The following DSCAML1 variants were observed in gnomAD, a reference collection of about 807,000 sequenced individuals.
The protein encoded by DSCAML1 is DS cell adhesion molecule like 1, also known as cell adhesion molecule DSCAML1.
Under a neutral mutation model 200.5 loss-of-function variants are expected in DSCAML1, and 38 were observed. The observed-to-expected ratio is 0.19, with a 90% CI of 0.15 to 0.25. DSCAML1 has a LOEUF of 0.25. Among genes scored for constraint, DSCAML1 ranks in the 10% least tolerant of loss-of-function variants. The pLI is 1.00. For synonymous variants in DSCAML1, 1,215 were observed against 1,165.0 expected, an observed-to-expected ratio of 1.04 and a Z score of -0.87; for missense variants, 2,223 against 2,858.8, an observed-to-expected ratio of 0.78 and a Z score of 5.07.
In DSCAML1 at chr11:117,484,584, GA is replaced by G. The variant is rs558642745; in HGVS notation, c.2360-2423del. ...CCTGCAGTCAGAGACATCCGAGTAT[GA>G]ATTATTGACTAAGGTTTTACACTCT... is the stretch of plus-strand genomic sequence containing the variant. On this transcript the variant is annotated intron_variant, in intron 11 of 32. Transcript: ENST00000651296. Among the ~76,000 whole-genome samples, 420 of 152,364 alleles carry G rather than the reference GA, an allele frequency of 2.8e-3. 7 individuals carry two copies. Among genetic ancestry groups the G allele is most frequent in the South Asian group, 0.011 (55 of 4,824 alleles).
At chr11:117,508,371 T>C (rs10750107) in intron 8 of DSCAML1, among the ~76,000 whole-genome samples, 65,357 of 151,736 alleles carry the variant, frequency 0.43, 14,194 homozygotes, top group South Asian at 0.55. Context: ...TATAAGTCCT[T>C]ATATAACTAG....
chr11:117,691,522 C>A (rs1053046538), intron 3 of DSCAML1, among the ~76,000 whole-genome samples: 1 of 152,198 alleles, frequency 6.6e-6, no homozygotes, highest in Non-Finnish European at 1.5e-5. Flanking sequence ...AATTTCTCTT[C>A]CCCATTATGG....
chr11:117,780,974 G>A lies in DSCAML1; in HGVS notation c.47-164C>T, dbSNP rs1427332537. Among the ~76,000 whole-genome samples, 1 of 152,164 alleles carries A rather than the reference G, an allele frequency of 6.6e-6. No homozygotes were observed. Among genetic ancestry groups the A allele is most frequent in the African/African-American group, 2.4e-5 (1 of 41,430 alleles). ...TGACTATACACCAGGCACTGGCAAA[G>A]GTGAATCAGAGACAGTTCCTGATCT... On this transcript the variant is annotated intron_variant, in intron 1 of 32. Transcript: ENST00000651296. The surrounding 1 kb of genome is among the most constrained non-coding windows in gnomAD (Gnocchi z 4.8).
chr11:117,691,517 C>A (rs934547690), intron 3 of DSCAML1, among the ~76,000 whole-genome samples: 2 of 152,176 alleles, frequency 1.3e-5, no homozygotes, highest in South Asian at 2.1e-4. Flanking sequence ...TTTATAATTT[C>A]TCTTCCCCAT....
Position 117,780,734 on chromosome 11 carries a change from C to G in DSCAML1, c.123G>C (p.Val41=), listed in dbSNP as rs772206663. ...CGGCCGGGCAGGGCACCACCACCCCCACGGAGCTGGAAAAGGTCACCTGCT... is the reference window on the plus strand; with the variant it reads ...CGGCCGGGCAGGGCACCACCACCCCGACGGAGCTGGAAAAGGTCACCTGCT... ...SLQQVTFSSS[V]GVVVPCPAAG... Residue 41 remains valine, a synonymous_variant, in exon 2 of 33, where the codon GTG becomes GTC. Coordinates refer to ENST00000651296, the MANE Select transcript of DSCAML1 (RefSeq NM_020693.4). The surrounding 1 kb of genome is among the most constrained non-coding windows in gnomAD (Gnocchi z 4.8). 19 of 1,561,126 alleles carry G rather than the reference C, an allele frequency of 1.2e-5. No homozygotes were observed. In the Admixed American group the frequency reaches 3.7e-4, roughly 31 times the overall value.
chr11:117,611,559 GAACAAAAGT>G (rs1348406885), intron 3 of DSCAML1: 2 of 152,176 alleles, frequency 1.3e-5, no homozygotes, highest in African/African-American at 4.8e-5. Flanking sequence ...TTGAATGACT[GAACAAAAGT>G]AACACAAGCT....
At chr11:117,470,436 G>A (rs967737449) in intron 15 of DSCAML1, among the ~76,000 whole-genome samples, 10 of 152,196 alleles carry the variant, frequency 6.6e-5, no homozygotes, top group East Asian at 5.8e-4. Context: ...TTAGCCGGGC[G>A]AGGTGGCGGG....
At position 117,437,871 on chromosome 11, in the gene DSCAML1, C is replaced by G. The variant is rs780354511; in HGVS notation, c.4432+24G>C. ...CCTCCCTGGGCCCATCGCTCCTTCC[C>G]TGCCCCAGTGGCCTGGGCCTCACCC... On this transcript the variant is annotated intron_variant, in intron 25 of 32. Coordinates refer to ENST00000651296, the MANE Select transcript of DSCAML1 (RefSeq NM_020693.4). This position sits in a 1 kb window ranked among gnomAD's most constrained non-coding sequence, Gnocchi z 5.3. 1.5e-5 allele frequency: 24 copies of G among 1,587,232 alleles called. No homozygotes were observed. The East Asian group carries it at 5.4e-4, about 36-fold the overall frequency.
At chr11:117,591,555 G>A (rs2051260082) in intron 3 of DSCAML1, among the ~76,000 whole-genome samples, 1 of 152,198 alleles carries the variant, frequency 6.6e-6, no homozygotes, top group Non-Finnish European at 1.5e-5. Flanking sequence ...TCTGTCTGGG[G>A]ACGTGGAGAA....
chr11:117,503,670 C>T lies in DSCAML1; in HGVS notation c.2359+175G>A, dbSNP rs191095902. On this transcript the variant is annotated intron_variant, in intron 11 of 32. Coordinates refer to ENST00000651296, the MANE Select transcript of DSCAML1 (RefSeq NM_020693.4). This position sits in a 1 kb window ranked among gnomAD's most constrained non-coding sequence, Gnocchi z 5.2. ...AGGGTGAGGCCGCTGTTTTAGATGA[C>T]AGTGCTTTTGAATGCCCCATCCAAG... Among the ~76,000 whole-genome samples, 61 of 152,220 alleles carry T rather than the reference C, an allele frequency of 4.0e-4. 1 individual carries two copies. In the East Asian group the frequency reaches 0.01, roughly 25 times the overall value.
At chr11:117,666,043 A>G (rs11216492) in intron 3 of DSCAML1, among the ~76,000 whole-genome samples, 42,878 of 152,026 alleles carry the variant, frequency 0.28, 6,216 homozygotes, top group South Asian at 0.38. Context: ...GTTCTCCTCC[A>G]TCACTGCGGT....
chr11:117,756,266 G>A (rs1324999675), intron 3 of DSCAML1, among the ~76,000 whole-genome samples: 1 of 152,220 alleles, frequency 6.6e-6, no homozygotes, highest in African/African-American at 2.4e-5. Flanking sequence ...GCCTTTCTGT[G>A]TTCCACATTA....
intron 3 of DSCAML1, among the ~76,000 whole-genome samples, chr11:117,577,362 T>C (rs757906323): frequency 6.6e-6 from 1 of 152,160 alleles, no homozygotes; most frequent in African/African-American, 2.4e-5. Flanking sequence ...TTAGGAACTA[T>C]GTAGCCAAGT....
intron 3 of DSCAML1, among the ~76,000 whole-genome samples, chr11:117,637,088 C>G (rs949129959): frequency 6.6e-6 from 1 of 152,058 alleles, no homozygotes; most frequent in Non-Finnish European, 1.5e-5. Flanking sequence ...CTTTCCAGCC[C>G]TACATCCCTC....
chr11:117,762,709 A>G (rs1368264776), intron 3 of DSCAML1, among the ~76,000 whole-genome samples: 1 of 152,054 alleles, frequency 6.6e-6, no homozygotes, highest in Non-Finnish European at 1.5e-5. Flanking sequence ...CTAAAATTAC[A>G]AAAATTAGTC....
intron 21 of DSCAML1, 89 bp from the exon 22 acceptor site, chr11:117,440,025 T>G: frequency 8.7e-7 from 1 of 1,150,590 alleles, no homozygotes; most frequent in Non-Finnish European, 1.3e-6. Flanking sequence ...GATTTACAGT[T>G]CAAATCCTCC....
chr11:117,555,254 C>T (rs2050540343), intron 3 of DSCAML1, among the ~76,000 whole-genome samples: 1 of 152,250 alleles, frequency 6.6e-6, no homozygotes, highest in Non-Finnish European at 1.5e-5. Flanking sequence ...CTCTGCTAGA[C>T]AGAAGCTCCT....
rs760919432 is a variant in DSCAML1, at chr11:117,780,578, A to G, written c.279T>C (p.Asn93=). Residue 93 remains asparagine (N), a synonymous_variant, in exon 2 of 33, where the codon AAT becomes AAC. Transcript: ENST00000651296. This position sits in a 1 kb window ranked among gnomAD's most constrained non-coding sequence, Gnocchi z 4.8. ...AGTAGTCATTGTCGTGGATAAAGCT[A>G]TTGAAGGCGGAGGGGGAGAAGGGGT... ...QLYPFSPSAF[N]SFIHDNDYFC... 2.5e-6 allele frequency: 4 copies of G among 1,576,266 alleles called. No individual in the cohort carries two copies. Among genetic ancestry groups the G allele is most frequent in the Non-Finnish European group, 3.4e-6 (4 of 1,159,542 alleles).
intron 3 of DSCAML1, among the ~76,000 whole-genome samples, chr11:117,596,803 T>G (rs1448606418): frequency 6.6e-6 from 1 of 152,200 alleles, no homozygotes; most frequent in East Asian, 1.9e-4. Context: ...GAAACTCCTT[T>G]TAATTGTTTT....
Sources: allele counts gnomAD v4.1 joint callset (sites outside exome capture counted in the v4.1 genomes callset), GRCh38; gene constraint gnomAD v4.1.1; non-coding constraint Gnocchi (gnomAD v3.1); transcripts MANE v1.5; gene names NCBI Gene and HGNC (gene_info 2026-07-23, HGNC 2026-07-21).